GALNT12: variants seen among roughly 807,000 people sequenced by gnomAD.
GALNT12 encodes polypeptide N-acetylgalactosaminyltransferase 12.
GALNT12 carries 45 observed loss-of-function variants against 55.5 expected under a neutral mutation model. That is an observed-to-expected ratio of 0.81 (90% confidence interval 0.64 to 1.04). The LOEUF (loss-of-function observed/expected upper bound fraction) is 1.04, where lower values mean the gene tolerates loss of function less well. Ranked by LOEUF, GALNT12 falls within the 50% of genes least tolerant of loss-of-function variation. GALNT12 has a pLI of 0.00. For missense variants in GALNT12, 709 were observed against 754.8 expected, an observed-to-expected ratio of 0.94 and a Z score of 0.71; for synonymous variants, 304 against 312.2, an observed-to-expected ratio of 0.97 and a Z score of 0.28.
intron 6 of GALNT12, among the ~76,000 whole-genome samples, chr9:98,838,009 A>G (rs1275493245): frequency 6.6e-6 from 1 of 152,206 alleles, no homozygotes; most frequent in Non-Finnish European, 1.5e-5. Context: ...GGCATTGTCC[A>G]TGTGTTTTGG....
At chr9:98,816,587 G>T (rs1835616522) in intron 1 of GALNT12, among the ~76,000 whole-genome samples, 2 of 150,944 alleles carry the variant, frequency 1.3e-5, no homozygotes, top group South Asian at 4.2e-4. Context: ...AGCATCTTAA[G>T]AAAAAATATT....
intron 3 of GALNT12, among the ~76,000 whole-genome samples, chr9:98,829,640 G>C (rs1309230675): frequency 6.6e-6 from 1 of 151,780 alleles, no homozygotes; most frequent in East Asian, 1.9e-4. Context: ...CCCAGTCTCT[G>C]GTAACCATCC....
chr9:98,837,100 G>A lies in GALNT12; in HGVS notation c.1164G>A (p.Met388Ile). 2 of 1,614,154 alleles carry A rather than the reference G, an allele frequency of 1.2e-6. No homozygotes were observed. The highest frequency in any genetic ancestry group is 1.7e-6 in the Non-Finnish European group (2 of 1,180,030). Residue 388 changes from methionine to isoleucine, a missense_variant, in exon 6 of 10, where the codon ATG becomes ATA. Physicochemically the swap from Met to Ile is conservative, Grantham distance 10. Coordinates refer to ENST00000375011, the MANE Select transcript of GALNT12 (RefSeq NM_024642.5). ...ANSVRAAEVW[M>I]DEFKELYYHR... is the part of the protein sequence containing the mutation. ...GTGTTCGTGCAGCTGAAGTATGGATGGATGAATTTAAAGAGCTCTACTACC... is the reference window on the plus strand; with the variant it reads ...GTGTTCGTGCAGCTGAAGTATGGATAGATGAATTTAAAGAGCTCTACTACC...
intron 3 of GALNT12, among the ~76,000 whole-genome samples, chr9:98,828,097 C>T (rs543865415): frequency 6.6e-5 from 10 of 152,330 alleles, no homozygotes; most frequent in East Asian, 3.9e-4. Context: ...TTGGCCTCCC[C>T]GCTGTGGAGC....
rs1835571868 is a variant in GALNT12, at chr9:98,814,597, C to A, written c.371+6528C>A. Among the ~76,000 whole-genome samples the A allele has an allele frequency of 4.0e-5, 6 of 151,716 alleles. No individual in the cohort carries two copies. The South Asian group carries it at 1.3e-3, about 32-fold the overall frequency. On this transcript the variant is annotated intron_variant, in intron 1 of 9. Transcript: ENST00000375011. The stretch of plus-strand genomic sequence containing the variant: ...TGGTGGCGGACACCTGTAATCCCAG[C>A]TACTTGGGAGGCTGAGGCAGGAGAA...
intron 1 of GALNT12, among the ~76,000 whole-genome samples, chr9:98,815,248 A>G (rs1209242933): frequency 6.6e-6 from 1 of 152,220 alleles, no homozygotes; most frequent in Non-Finnish European, 1.5e-5. Context: ...ACCCATTGCA[A>G]CCAACCTGGT....
chr9:98,849,344 C>T lies in GALNT12; in HGVS notation c.*252C>T, dbSNP rs1754421602. The T allele has an allele frequency of 3.4e-6, 2 of 583,318 alleles. No individual in the cohort carries two copies. The allele number at this position is 583,318 out of a possible 1,614,324, so 36.1% of individuals were successfully genotyped here. A position where few individuals can be genotyped will look rare whatever the true frequency, so the allele number is the denominator to read the frequency against. On this transcript the variant is annotated 3_prime_UTR_variant, in exon 10 of 10. Transcript: ENST00000375011. ...AAAGGGTAATCGTAAGATGTTAACC[C>T]TTGGTATTTAGAAAATTAAAACCTT...
intron 3 of GALNT12, among the ~76,000 whole-genome samples, chr9:98,829,328 A>G (rs760875710): frequency 1.3e-5 from 2 of 151,762 alleles, no homozygotes; most frequent in Admixed American, 6.6e-5. Context: ...AGCTGGGATT[A>G]CAGGCATGCA....
intron 7 of GALNT12, among the ~76,000 whole-genome samples, chr9:98,840,838 C>G (rs552678616): frequency 1.3e-5 from 2 of 152,324 alleles, no homozygotes; most frequent in South Asian, 4.1e-4. Context: ...CTCTTTCTCT[C>G]TCCTGTACTT....
At chr9:98,810,481 G>A (rs1835471637) in intron 1 of GALNT12, among the ~76,000 whole-genome samples, 2 of 152,008 alleles carry the variant, frequency 1.3e-5, no homozygotes, top group Non-Finnish European at 2.9e-5. Context: ...AACAGAAAAG[G>A]AAAAAAATGA....
At position 98,843,476 on chromosome 9, in the gene GALNT12, A is replaced by G. The variant is rs952102923; in HGVS notation, c.1345-620A>G. 2.0e-5 allele frequency among the ~76,000 whole-genome samples: 3 copies of G among 151,584 alleles called. 1 individual carries two copies. The highest frequency in any genetic ancestry group is 4.2e-4 in the South Asian group (2 of 4,806). On this transcript the variant is annotated intron_variant, in intron 7 of 9. Transcript: ENST00000375011. ...GGCTGGAGTGCAGTGGCATGATCTC[A>G]GCTCACTGCAACCTCCGTCTTCTGG...
At chr9:98,848,096 T>C (rs922131456) in intron 9 of GALNT12, among the ~76,000 whole-genome samples, 1 of 152,228 alleles carries the variant, frequency 6.6e-6, no homozygotes, top group Non-Finnish European at 1.5e-5. Context: ...ATTACAGGCG[T>C]GAGCTACTGT....
chr9:98,832,790 G>A lies in GALNT12; in HGVS notation c.917+833G>A, dbSNP rs77060132. Among the ~76,000 whole-genome samples the A allele has an allele frequency of 2.2e-3, 333 of 152,254 alleles. 10 individuals are homozygous for A. In the East Asian group the frequency reaches 0.06, roughly 28 times the overall value. Reference sequence around the variant, plus strand: ...TATCATCATGTTTTCAAGTTTCCTAGAGAACATCATTCCTTGTGATGGCTG... The same window carrying A: ...TATCATCATGTTTTCAAGTTTCCTAAAGAACATCATTCCTTGTGATGGCTG... On this transcript the variant is annotated intron_variant, in intron 4 of 9. Transcript: ENST00000375011.
At chr9:98,813,059 C>A (rs1275919419) in intron 1 of GALNT12, among the ~76,000 whole-genome samples, 1 of 152,222 alleles carries the variant, frequency 6.6e-6, no homozygotes, top group African/African-American at 2.4e-5. Flanking sequence ...ACCATTTTCT[C>A]TGCTCACTAT....
rs1202605494 is a variant in GALNT12, at chr9:98,835,357, T to A, written c.1026T>A (p.Phe342Leu). ...MEVWGGENLE[F>L]SFRIWQCGGV... ...TTTGGGGAGGAGAAAACCTCGAATT[T>A]TCCTTTAGGGTAAGTATTTCAGTCT... The change falls in exon 5 of 10, where the codon TTT becomes TTA. Residue 342 changes from phenylalanine (F) to leucine (L), a missense_variant. Phe to Leu is a conservative substitution (Grantham distance 22, BLOSUM62 0). Coordinates refer to ENST00000375011, the MANE Select transcript of GALNT12 (RefSeq NM_024642.5). The A allele has an allele frequency of 6.3e-7, 1 of 1,580,508 alleles. No individual in the cohort carries two copies.
In GALNT12 at chr9:98,807,754, A is replaced by T; in HGVS notation, c.56A>T (p.Glu19Val). The T allele has an allele frequency of 8.4e-7, 1 of 1,184,006 alleles. No homozygotes were observed. The highest frequency in any genetic ancestry group is 1.1e-6 in the Non-Finnish European group (1 of 951,502). The allele number at this position is 1,184,006 out of a possible 1,614,324, so 73.3% of individuals were successfully genotyped here. A position where few individuals can be genotyped will look rare whatever the true frequency, so the allele number is the denominator to read the frequency against. Reference protein sequence around the residue: ...RCPRELRRGREALLVLLALLA... With the variant: ...RCPRELRRGRVALLVLLALLA... ...CCGCGGGAACTGCGGCGCGGCCGGG[A>T]GGCGCTGTTGGTGCTCCTGGCGCTA... The change falls in exon 1 of 10, where the codon GAG becomes GTG. Residue 19 changes from glutamate to valine, a missense_variant. By Grantham distance (121) the Glu-to-Val change is moderately radical (BLOSUM62 -2). Transcript: ENST00000375011.
In GALNT12 at chr9:98,826,802, C is replaced by T. The variant is rs536814570; in HGVS notation, c.592C>T (p.Arg198Cys). 1.2e-6 allele frequency: 2 copies of T among 1,611,872 alleles called. No homozygotes were observed. The highest frequency in any genetic ancestry group is 2.7e-5 in the African/African-American group (2 of 74,986). Residue 198 changes from arginine to cysteine, a missense_variant, in exon 3 of 10, where the codon CGC (arginine) becomes TGC (cysteine). Physicochemically the swap from Arg to Cys is radical, Grantham distance 180. Coordinates refer to ENST00000375011, the MANE Select transcript of GALNT12 (RefSeq NM_024642.5). ...ANELSGLPKV[R>C]LIRANKREGL... ...TGAGCTTTCGGGACTGCCCAAGGTG[C>T]GCCTGATCCGCGCCAACAAGAGAGA... is the stretch of plus-strand genomic sequence containing the variant.
Position 98,823,253 on chromosome 9 carries a change from C to A in GALNT12, c.372-3C>A, listed in dbSNP as rs1420264104. On this transcript the variant is annotated splice_polypyrimidine_tract_variant and splice_region_variant and intron_variant, in intron 1 of 9. Coordinates refer to ENST00000375011, the MANE Select transcript of GALNT12 (RefSeq NM_024642.5). The stretch of plus-strand genomic sequence containing the variant: ...AGTTCCTGAAGTTCCGCTGTATTTG[C>A]AGGTGCAAAGAGAAGAAATATGATT... 1.2e-6 allele frequency: 2 copies of A among 1,613,840 alleles called. No homozygotes were observed. Among genetic ancestry groups the A allele is most frequent in the African/African-American group, 2.7e-5 (2 of 74,928 alleles).
At chr9:98,822,927 G>T (rs1835776697) in intron 1 of GALNT12, among the ~76,000 whole-genome samples, 1 of 152,188 alleles carries the variant, frequency 6.6e-6, no homozygotes, top group African/African-American at 2.4e-5. Flanking sequence ...TGAGACTGGG[G>T]CAGAGTAGAC....
Sources: allele counts gnomAD v4.1 joint callset (sites outside exome capture counted in the v4.1 genomes callset), GRCh38; gene constraint gnomAD v4.1.1; transcripts MANE v1.5; gene names NCBI Gene and HGNC (gene_info 2026-07-23, HGNC 2026-07-21).